ATP2A3: variants seen among roughly 807,000 people sequenced by gnomAD.
ATP2A3 encodes the protein sarcoplasmic/endoplasmic reticulum calcium ATPase 3.
A neutral mutation model predicts 106.8 loss-of-function variants in ATP2A3; 61 were observed. That is an observed-to-expected ratio of 0.57 (90% CI 0.46 to 0.71). The LOEUF (loss-of-function observed/expected upper bound fraction) is 0.71. Among genes scored for constraint, ATP2A3 ranks in the 30% least tolerant of loss-of-function variants. The pLI, the probability that ATP2A3 is intolerant of heterozygous loss-of-function variation, is 0.00. For missense variants in ATP2A3, 1,201 were observed against 1,423.5 expected (o/e 0.84, Z 2.52); for synonymous variants, 611 against 609.3 (o/e 1.00, Z -0.04).
In ATP2A3 at chr17:3,928,926, C is replaced by G; in HGVS notation, c.2863-146G>C. Reference sequence around the variant, plus strand: ...CCCTGGATGCACCCCCGATCTTTGTCCACTCAGCTGCACCCCCCGATCTTT... The same window carrying G: ...CCCTGGATGCACCCCCGATCTTTGTGCACTCAGCTGCACCCCCCGATCTTT... On this transcript the variant is annotated intron_variant, in intron 19 of 20. Transcript: ENST00000397041. This position sits in a 1 kb window ranked among gnomAD's most constrained non-coding sequence, Gnocchi z 6.1. 1 of 647,742 alleles carries G rather than the reference C, an allele frequency of 1.5e-6. No homozygotes were observed. The highest frequency in any genetic ancestry group is 2.7e-6 in the Non-Finnish European group (1 of 368,838). The allele number at this position is 647,742 out of a possible 1,614,324, so 40.1% of individuals were successfully genotyped here. A position where few individuals can be genotyped will look rare whatever the true frequency, so the allele number is the denominator to read the frequency against.
chr17:3,945,272 G>T, intron 8 of ATP2A3, 124 bp from the exon 9 acceptor site: 1 of 839,150 alleles, frequency 1.2e-6, no homozygotes, highest in Non-Finnish European at 1.8e-6. Flanking sequence ...CGGCCTGGCC[G>T]TCCGTGCCCA....
Position 3,927,271 on chromosome 17 carries a change from T to C in ATP2A3, c.2980+1392A>G, listed in dbSNP as rs370404291. The C allele has an allele frequency of 3.1e-5, 31 of 985,492 alleles. No individual in the cohort carries two copies. The East Asian group carries it at 1.4e-3, about 43-fold the overall frequency. The allele number at this position is 985,492 out of a possible 1,614,324, so 61.0% of individuals were successfully genotyped here. The stretch of plus-strand genomic sequence containing the variant: ...GCTGAAAGGCATCTGAGACACAGGC[T>C]TTTCCGTGCTGGCTGAGACATTTTA... On this transcript the variant is annotated intron_variant, in intron 20 of 20. Coordinates refer to ENST00000397041, the MANE Select transcript of ATP2A3 (RefSeq NM_005173.4).
Position 3,924,791 on chromosome 17 carries a change from C to A in ATP2A3, c.*631G>T, listed in dbSNP as rs1004495052. ...TGTGTCCGTCTCTCTGACCCTTCAC[C>A]CGCCCGGGCCCTGCACATATAAACA... is the stretch of plus-strand genomic sequence containing the variant. On this transcript the variant is annotated 3_prime_UTR_variant, in exon 21 of 21. Transcript: ENST00000397041. The surrounding 1 kb of genome is among the most constrained non-coding windows in gnomAD (Gnocchi z 6.4). 2.2e-6 allele frequency: 1 copy of A among 456,572 alleles called. No individual in the cohort carries two copies. Among genetic ancestry groups the A allele is most frequent in the African/African-American group, 2.0e-5 (1 of 50,080 alleles). 28.3% of individuals were successfully genotyped at this position (456,572 alleles called of 1,614,324 possible). A position where few individuals can be genotyped will look rare whatever the true frequency, so the allele number is the denominator to read the frequency against.
intron 10 of ATP2A3, among the ~76,000 whole-genome samples, chr17:3,944,288 A>G (rs1235768578): frequency 1.3e-5 from 2 of 152,184 alleles, no homozygotes; most frequent in Non-Finnish European, 2.9e-5. Flanking sequence ...GGGTCTGGCC[A>G]AGGACCTCCC....
At chr17:3,961,910 G>A (rs998450383) in intron 1 of ATP2A3, among the ~76,000 whole-genome samples, 1 of 152,188 alleles carries the variant, frequency 6.6e-6, no homozygotes, top group African/African-American at 2.4e-5. Context: ...GGCAGGGCTA[G>A]GGTTCAAAGC....
intron 1 of ATP2A3, among the ~76,000 whole-genome samples, chr17:3,958,898 AT>A (rs556222249): frequency 0.075 from 9,666 of 129,386 alleles, 1,017 homozygotes; most frequent in East Asian, 0.16. Context: ...ATATATATAT[AT>A]TGTTTTTTTT....
chr17:3,936,765 G>A lies in ATP2A3; in HGVS notation c.2322-296C>T. Reference sequence around the variant, plus strand: ...ACACACACACACACACGCACACGAAGAGGGCATGCCCAAGAATCAGACATG... The same window carrying A: ...ACACACACACACACACGCACACGAAAAGGGCATGCCCAAGAATCAGACATG... On this transcript the variant is annotated intron_variant, in intron 15 of 20. Transcript: ENST00000397041. This position sits in a 1 kb window ranked among gnomAD's most constrained non-coding sequence, Gnocchi z 5.4. The A allele has an allele frequency of 2.2e-6, 1 of 462,014 alleles. No homozygotes were observed. The highest frequency in any genetic ancestry group is 2.1e-5 in the South Asian group (1 of 46,582). The allele number at this position is 462,014 out of a possible 1,614,324, so 28.6% of individuals were successfully genotyped here.
In ATP2A3 at chr17:3,925,576, C is replaced by G. The variant is rs778602411; in HGVS notation, c.2981-135G>C. The G allele has an allele frequency of 8.9e-7, 1 of 1,126,412 alleles. No homozygotes were observed. Among genetic ancestry groups the G allele is most frequent in the Non-Finnish European group, 1.3e-6 (1 of 773,992 alleles). 69.8% of individuals were successfully genotyped at this position (1,126,412 alleles called of 1,614,324 possible). A position where few individuals can be genotyped will look rare whatever the true frequency, so the allele number is the denominator to read the frequency against. On this transcript the variant is annotated intron_variant, in intron 20 of 20. Transcript: ENST00000397041. The surrounding 1 kb of genome is among the most constrained non-coding windows in gnomAD (Gnocchi z 4.2). ...TCCCAAGGCCTCCCTTAGTCCAGAC[C>G]TCAGTCTACCCCAGCCCCACCGGAC...
At position 3,936,576 on chromosome 17, in the gene ATP2A3, C is replaced by G. The variant is rs1488611294; in HGVS notation, c.2322-107G>C. 6 of 1,184,838 alleles carry G rather than the reference C, an allele frequency of 5.1e-6. No homozygotes were observed. The highest frequency in any genetic ancestry group is 7.5e-6 in the Non-Finnish European group (6 of 804,206). 73.4% of individuals were successfully genotyped at this position (1,184,838 alleles called of 1,614,324 possible). On this transcript the variant is annotated intron_variant, in intron 15 of 20. Coordinates refer to ENST00000397041, the MANE Select transcript of ATP2A3 (RefSeq NM_005173.4). This position sits in a 1 kb window ranked among gnomAD's most constrained non-coding sequence, Gnocchi z 5.4. Reference sequence around the variant, plus strand: ...CTGGGAGCTCACCCACCCACTGTCTCCACAGCAGCCCCTCCTCCCTCCGCC... The same window carrying G: ...CTGGGAGCTCACCCACCCACTGTCTGCACAGCAGCCCCTCCTCCCTCCGCC...
chr17:3,951,104 AG>A, intron 5 of ATP2A3, 146 bp downstream of exon 5: 1 of 809,862 alleles, frequency 1.2e-6, no homozygotes, highest in South Asian at 2.9e-5. Flanking sequence ...CCCGGGAGGC[AG>A]GAGGTTGCAG....
Position 3,936,669 on chromosome 17 carries a change from C to G in ATP2A3, c.2322-200G>C. On this transcript the variant is annotated intron_variant, in intron 15 of 20. Transcript: ENST00000397041. The surrounding 1 kb of genome is among the most constrained non-coding windows in gnomAD (Gnocchi z 5.4). ...CCTGGCCAGTCCTGCCTTCCCCAGT[C>G]CCAGCTCTGGATCCTGGACATACCT... 3.2e-6 allele frequency: 2 copies of G among 633,504 alleles called. No individual in the cohort carries two copies. The highest frequency in any genetic ancestry group is 5.7e-6 in the Non-Finnish European group (2 of 350,936). 39.2% of individuals were successfully genotyped at this position (633,504 alleles called of 1,614,324 possible).
chr17:3,926,408 G>GTT lies in ATP2A3; in HGVS notation c.2981-968_2981-967insAA, dbSNP rs1185880980. On this transcript the variant is annotated intron_variant, in intron 20 of 20. Transcript: ENST00000397041. The surrounding 1 kb of genome is among the most constrained non-coding windows in gnomAD (Gnocchi z 4.6). ...AGATGGAGCCGCAGGTACCCAGCCT[G>GTT]TGTCTGTCCTCCAGCAGCCAGGCAC... 2.8e-4 allele frequency among the ~76,000 whole-genome samples: 43 copies of GTT among 152,268 alleles called. No individual in the cohort carries two copies. The highest frequency in any genetic ancestry group is 3.7e-4 in the Non-Finnish European group (25 of 68,008).
At chr17:3,960,050 GC>G (rs1175356867) in intron 1 of ATP2A3, among the ~76,000 whole-genome samples, 1 of 152,196 alleles carries the variant, frequency 6.6e-6, no homozygotes, top group Non-Finnish European at 1.5e-5. Flanking sequence ...AAGACGTTGA[GC>G]TTCCAAAGGG....
At position 3,964,353 on chromosome 17, in the gene ATP2A3, A is replaced by C; in HGVS notation, c.-62T>G. On this transcript the variant is annotated 5_prime_UTR_variant, in exon 1 of 21. The change abolishes the stop of an existing upstream ORF in the 5' untranslated region. Transcript: ENST00000397041. ...GAGGCCGCCTCTCCGCCGGGGGGCT[A>C]CAAAGCGGGGCGCGGGGGACTCGGG... 1.0e-6 allele frequency: 1 copy of C among 986,836 alleles called. No homozygotes were observed. The highest frequency in any genetic ancestry group is 1.2e-6 in the Non-Finnish European group (1 of 800,420). The allele number at this position is 986,836 out of a possible 1,614,324, so 61.1% of individuals were successfully genotyped here.
intron 7 of ATP2A3, among the ~76,000 whole-genome samples, chr17:3,948,328 G>A (rs2054234806): frequency 6.6e-6 from 1 of 152,160 alleles, no homozygotes; most frequent in South Asian, 2.1e-4. Context: ...CCAATTCCTA[G>A]CATAAGGGAC....
intron 1 of ATP2A3, among the ~76,000 whole-genome samples, chr17:3,954,279 G>A (rs1279785595): frequency 6.6e-6 from 1 of 151,936 alleles, no homozygotes; most frequent in Non-Finnish European, 1.5e-5. Flanking sequence ...GGCCTGCTGG[G>A]CCCCACCGCA....
At chr17:3,956,134 G>A (rs369866678) in intron 1 of ATP2A3, among the ~76,000 whole-genome samples, 2 of 152,054 alleles carry the variant, frequency 1.3e-5, no homozygotes, top group East Asian at 3.9e-4. Context: ...CACCCACTTC[G>A]GCCTCCCAAA....
chr17:3,930,601 C>G lies in ATP2A3; in HGVS notation c.2611-167G>C. On this transcript the variant is annotated intron_variant, in intron 17 of 20. Transcript: ENST00000397041. The surrounding 1 kb of genome is among the most constrained non-coding windows in gnomAD (Gnocchi z 5.4). ...TCCCGGGAGGGGTGCGGGGTCGGGG[C>G]GGCGGTGGGGAGAGCTGCACCGTGC... 8.1e-6 allele frequency: 5 copies of G among 618,170 alleles called. No homozygotes were observed. The highest frequency in any genetic ancestry group is 1.4e-5 in the Non-Finnish European group (5 of 370,178). 38.3% of individuals were successfully genotyped at this position (618,170 alleles called of 1,614,324 possible). A position where few individuals can be genotyped will look rare whatever the true frequency, so the allele number is the denominator to read the frequency against.
In ATP2A3 at chr17:3,964,327, C is replaced by T; in HGVS notation, c.-36G>A. 1 of 1,126,996 alleles carries T rather than the reference C, an allele frequency of 8.9e-7. No homozygotes were observed. The highest frequency in any genetic ancestry group is 1.1e-6 in the Non-Finnish European group (1 of 908,554). 69.8% of individuals were successfully genotyped at this position (1,126,996 alleles called of 1,614,324 possible). A position where few individuals can be genotyped will look rare whatever the true frequency, so the allele number is the denominator to read the frequency against. ...CGGCCGTCTGCGCCGTCCGCACCGT[C>T]GAGGCCGCCTCTCCGCCGGGGGGCT... On this transcript the variant is annotated 5_prime_UTR_variant, in exon 1 of 21. Coordinates refer to ENST00000397041, the MANE Select transcript of ATP2A3 (RefSeq NM_005173.4).
Sources: allele counts gnomAD v4.1 joint callset (sites outside exome capture counted in the v4.1 genomes callset), GRCh38; gene constraint gnomAD v4.1.1; non-coding constraint Gnocchi (gnomAD v3.1); transcripts MANE v1.5; gene names NCBI Gene and HGNC (gene_info 2026-07-23, HGNC 2026-07-21).